The following DENND5B variants were observed in gnomAD, a reference collection of about 807,000 sequenced individuals.
DENND5B encodes the protein DENN domain containing 5B, also known as DENN domain-containing protein 5B.
Under a neutral mutation model 140.6 loss-of-function variants are expected in DENND5B, and 34 were observed. The ratio of observed to expected loss-of-function variants is 0.24; its 90% CI spans 0.18 to 0.32. The LOEUF is 0.32. DENND5B is among the 10% of genes least tolerant of loss of function. DENND5B has a pLI of 1.00. For missense variants in DENND5B, 1,142 were observed against 1,560.2 expected (o/e 0.73, Z 4.52); for synonymous variants, 551 against 562.1 (o/e 0.98, Z 0.28).
chr12:31,468,066 CAACA>C (rs1442096947), intron 3 of DENND5B, among the ~76,000 whole-genome samples: 2 of 152,020 alleles, frequency 1.3e-5, no homozygotes, highest in Non-Finnish European at 2.9e-5. Flanking sequence ...CCAGCCTGGG[CAACA>C]TACAGAGACC....
intron 1 of DENND5B, chr12:31,500,535 C>T: frequency 2.9e-6 from 1 of 344,464 alleles, no homozygotes; most frequent in Non-Finnish European, 5.6e-6. Context: ...CAAAAATTAG[C>T]TGGGCATGGT....
intron 1 of DENND5B, among the ~76,000 whole-genome samples, chr12:31,549,904 T>C (rs1038302993): frequency 1.3e-5 from 2 of 152,172 alleles, no homozygotes; most frequent in African/African-American, 2.4e-5. Flanking sequence ...CTACTGCAGA[T>C]AGTGCTTCAA....
chr12:31,496,067 T>C (rs12816170), intron 1 of DENND5B, 148 bp from the exon 2 acceptor site: 74,255 of 506,106 alleles, frequency 0.15, 6,585 homozygotes, highest in Non-Finnish European at 0.18. Flanking sequence ...AAAATCCCGA[T>C]GGACAACTAA....
At position 31,574,267 on chromosome 12, in the gene DENND5B, A is replaced by AAATAATAATAATAATAATAAT. The variant is rs60548839; in HGVS notation, c.127+16418_127+16438dup. Among the ~76,000 whole-genome samples the AAATAATAATAATAATAATAAT allele has an allele frequency of 6.9e-3, 617 of 89,700 alleles. 9 individuals are homozygous for AAATAATAATAATAATAATAAT. The highest frequency in any genetic ancestry group is 0.017 in the African/African-American group (538 of 32,544). 58.8% of individuals were successfully genotyped at this position (89,700 alleles called of 152,430 possible). A position where few individuals can be genotyped will look rare whatever the true frequency, so the allele number is the denominator to read the frequency against. On this transcript the variant is annotated intron_variant, in intron 1 of 20. Transcript: ENST00000389082. Reference sequence around the variant, plus strand: ...GAGAGAATGAGACCCTGTCTCTAAAAAATAATAATAATAATAATAATAATA... The same window carrying AAATAATAATAATAATAATAAT: ...GAGAGAATGAGACCCTGTCTCTAAAAAATAATAATAATAATAATAATAATAATAATAATAATAATAATAATA...
intron 11 of DENND5B, among the ~76,000 whole-genome samples, chr12:31,416,511 G>A (rs1010322963): frequency 3.3e-5 from 5 of 152,100 alleles, no homozygotes; most frequent in East Asian, 1.9e-4. Context: ...TGATCTGCCC[G>A]CCTTGGCCTC....
intron 1 of DENND5B, among the ~76,000 whole-genome samples, chr12:31,555,220 A>G (rs2139281690): frequency 6.6e-6 from 1 of 152,308 alleles, no homozygotes; most frequent in Middle Eastern, 3.4e-3. Context: ...GGTGACGTAC[A>G]GATGGGTTTT....
chr12:31,411,927 C>G (rs1010695016), intron 13 of DENND5B, among the ~76,000 whole-genome samples: 2 of 152,170 alleles, frequency 1.3e-5, no homozygotes, highest in Non-Finnish European at 2.9e-5. Context: ...CAAATTAGCA[C>G]TAATGTAAAT....
chr12:31,413,423 G>A lies in DENND5B; in HGVS notation c.2681+13C>T, dbSNP rs1942569290. 1 of 1,606,792 alleles carries A rather than the reference G, an allele frequency of 6.2e-7. No individual in the cohort carries two copies. The highest frequency in any genetic ancestry group is 2.2e-5 in the East Asian group (1 of 44,800). On this transcript the variant is annotated intron_variant, in intron 13 of 20. Transcript: ENST00000389082. ...ATTATAGAAACAGAAATGTATCAAA[G>A]ATGGTATCTTACTTGGTGAGTGGTT...
At chr12:31,552,172 GC>G (rs1443241483) in intron 1 of DENND5B, among the ~76,000 whole-genome samples, 1 of 152,088 alleles carries the variant, frequency 6.6e-6, no homozygotes, top group African/African-American at 2.4e-5. Flanking sequence ...TCCAGTTTTT[GC>G]CCATTCAGTA....
rs906491260 is a variant in DENND5B at position 31,384,410 on chromosome 12, A to C, written c.*3193T>G. 1 of 152,198 alleles carries C rather than the reference A, an allele frequency of 6.6e-6. No individual in the cohort carries two copies. The highest frequency in any genetic ancestry group is 6.6e-5 in the Admixed American group (1 of 15,262). 9.4% of individuals were successfully genotyped at this position (152,198 alleles called of 1,614,324 possible). A position where few individuals can be genotyped will look rare whatever the true frequency, so the allele number is the denominator to read the frequency against. On this transcript the variant is annotated 3_prime_UTR_variant, in exon 21 of 21. Coordinates refer to ENST00000389082, the MANE Select transcript of DENND5B (RefSeq NM_144973.4). The stretch of plus-strand genomic sequence containing the variant: ...CATTGATCAAACTTGGATCCTAAGG[A>C]CTATTTCCAAATATTTAAATTTATT...
chr12:31,584,273 C>T (rs765464238), intron 1 of DENND5B, among the ~76,000 whole-genome samples: 8 of 152,188 alleles, frequency 5.3e-5, no homozygotes, highest in Non-Finnish European at 8.8e-5. Flanking sequence ...CACTATGTCT[C>T]ACCCTCTTCC....
chr12:31,501,338 T>A (rs540785060), intron 1 of DENND5B, among the ~76,000 whole-genome samples: 3 of 152,340 alleles, frequency 2.0e-5, no homozygotes, highest in African/African-American at 7.2e-5. Flanking sequence ...GCCACAATTG[T>A]AAGTTTCCTG....
At position 31,545,950 on chromosome 12, in the gene DENND5B, C is replaced by CAAAAAAAAAAAAAAAAAA. The variant is rs57460264; in HGVS notation, c.127+44738_127+44755dup. Among the ~76,000 whole-genome samples the CAAAAAAAAAAAAAAAAAA allele has an allele frequency of 5.8e-3, 212 of 36,372 alleles. 20 individuals are homozygous for CAAAAAAAAAAAAAAAAAA. Among genetic ancestry groups the CAAAAAAAAAAAAAAAAAA allele is most frequent in the Middle Eastern group, 0.026 (1 of 38 alleles). The allele number at this position is 36,372 out of a possible 152,430, so 23.9% of individuals were successfully genotyped here. A position where few individuals can be genotyped will look rare whatever the true frequency, so the allele number is the denominator to read the frequency against. On this transcript the variant is annotated intron_variant, in intron 1 of 20. Coordinates refer to ENST00000389082, the MANE Select transcript of DENND5B (RefSeq NM_144973.4). ...TGGGTGAGAGAGTAAGACACTGTCTCAAAAAAAAAAAAAAAAAAAAAGTGG... is the reference window on the plus strand; with the variant it reads ...TGGGTGAGAGAGTAAGACACTGTCTCAAAAAAAAAAAAAAAAAAAAAAAAAAAAAAAAAAAAAAAGTGG...
intron 1 of DENND5B, among the ~76,000 whole-genome samples, chr12:31,530,767 A>G (rs781578309): frequency 6.6e-6 from 1 of 152,236 alleles, no homozygotes; most frequent in Non-Finnish European, 1.5e-5. Flanking sequence ...CCTTAACAAA[A>G]TAAGTACATT....
chr12:31,448,428 C>G (rs924996234), intron 5 of DENND5B, among the ~76,000 whole-genome samples: 14 of 152,160 alleles, frequency 9.2e-5, no homozygotes, highest in African/African-American at 3.4e-4. Context: ...AGCCACCGCG[C>G]CCAGCTACAA....
chr12:31,413,657 G>T (rs1942583562), intron 12 of DENND5B, 93 bp from the exon 13 acceptor site: 1 of 1,368,742 alleles, frequency 7.3e-7, no homozygotes, highest in Non-Finnish European at 9.7e-7. Context: ...GCACAGAAAG[G>T]TTTATACTTA....
Position 31,591,070 on chromosome 12 carries a change from G to A in DENND5B, c.-238C>T, listed in dbSNP as rs1165385807. The A allele has an allele frequency of 1.1e-5, 2 of 184,224 alleles. No homozygotes were observed. Among genetic ancestry groups the A allele is most frequent in the Non-Finnish European group, 2.0e-5 (2 of 99,126 alleles). The allele number at this position is 184,224 out of a possible 1,614,324, so 11.4% of individuals were successfully genotyped here. A position where few individuals can be genotyped will look rare whatever the true frequency, so the allele number is the denominator to read the frequency against. Reference sequence around the variant, plus strand: ...CCGGCCGGGTGGGGGAGGGGCGCGGGGGGAGTGTCGGCCTGAGAGGCCCTC... The same window carrying A: ...CCGGCCGGGTGGGGGAGGGGCGCGGAGGGAGTGTCGGCCTGAGAGGCCCTC... On this transcript the variant is annotated 5_prime_UTR_variant, in exon 1 of 21. Transcript: ENST00000389082.
At chr12:31,495,375 A>ATTTCTTTTTC (rs1946716037) in intron 2 of DENND5B, among the ~76,000 whole-genome samples, 1 of 47,814 alleles carries the variant, frequency 2.1e-5, no homozygotes, top group African/African-American at 1.1e-4. Context: ...AGAGTATCAC[A>ATTTCTTTTTC]TTTCTTTTTT....
chr12:31,571,784 T>G (rs1189508018), intron 1 of DENND5B, among the ~76,000 whole-genome samples: 1 of 152,168 alleles, frequency 6.6e-6, no homozygotes, highest in Non-Finnish European at 1.5e-5. Context: ...TTTTTGTGTA[T>G]TTTTAGTAGA....
Sources: gnomAD v4.1 joint callset for allele counts (sites outside exome capture counted in the v4.1 genomes callset) on GRCh38, gnomAD v4.1.1 for gene constraint, MANE v1.5 for transcripts, NCBI Gene and HGNC (gene_info 2026-07-23, HGNC 2026-07-21) for gene names.